TMPRSS5: variants seen among roughly 807,000 people sequenced by gnomAD.
The protein encoded by TMPRSS5 is transmembrane serine protease 5, also known as transmembrane protease serine 5.
In TMPRSS5, 45 loss-of-function variants were observed where a neutral mutation model predicts 59.7. The observed-to-expected ratio is 0.75, with a 90% CI of 0.59 to 0.97. TMPRSS5 has a LOEUF of 0.97. TMPRSS5 is among the 50% of genes least tolerant of loss of function. The probability of loss-of-function intolerance (pLI) is 0.00; values close to 1 mark genes in which losing one functional copy is unlikely to be tolerated. For missense variants in TMPRSS5, 585 were observed against 596.7 expected, an observed-to-expected ratio of 0.98 and a Z score of 0.20; for synonymous variants, 225 against 232.0, an observed-to-expected ratio of 0.97 and a Z score of 0.27.
chr11:113,703,249 A>G (rs1460027333), intron 1 of TMPRSS5, among the ~76,000 whole-genome samples: 4 of 152,262 alleles, frequency 2.6e-5, no homozygotes, highest in African/African-American at 9.6e-5. Context: ...AAAGGAGATC[A>G]TTTTGGAACT....
chr11:113,704,771 C>T (rs1293255558), intron 1 of TMPRSS5, among the ~76,000 whole-genome samples: 2 of 151,062 alleles, frequency 1.3e-5, no homozygotes, highest in Non-Finnish European at 2.9e-5. Context: ...TCATTTACTT[C>T]CTTCTCTCTC....
chr11:113,695,160 G>A (rs1024506814), intron 7 of TMPRSS5, among the ~76,000 whole-genome samples: 2 of 152,218 alleles, frequency 1.3e-5, no homozygotes, highest in African/African-American at 4.8e-5. Context: ...GGCAGGTAGT[G>A]AAGGAAGGAG....
rs745569440 is a variant in TMPRSS5 at position 113,689,864 on chromosome 11, C to G, written c.1260G>C (p.Val420=). The change falls in exon 12 of 13, where the codon GTG becomes GTC. Residue 420 remains valine, a synonymous_variant. Coordinates refer to ENST00000299882, the MANE Select transcript of TMPRSS5 (RefSeq NM_030770.4). ...VCPDGDTWRL[V]GVVSWGRGCA... ...AGCCACGCCCCCAGCTGACCACCCC[C>G]ACTAGGCGCCATGTGTCCCCATCTG... 3.2e-6 allele frequency: 5 copies of G among 1,581,464 alleles called. No individual in the cohort carries two copies. The highest frequency in any genetic ancestry group is 1.3e-5 in the African/African-American group (1 of 74,212).
chr11:113,705,519 G>A (rs1305392800), intron 1 of TMPRSS5, among the ~76,000 whole-genome samples: 4 of 151,994 alleles, frequency 2.6e-5, no homozygotes, highest in Non-Finnish European at 4.4e-5. Flanking sequence ...GCTTTTCCAG[G>A]AGAAACAGAG....
intron 11 of TMPRSS5, 66 bp from the exon 12 acceptor site, chr11:113,689,983 G>T: frequency 6.9e-7 from 1 of 1,442,582 alleles, no homozygotes; most frequent in Non-Finnish European, 9.3e-7. Flanking sequence ...GAGAGCACCA[G>T]ACCACTATGG....
At chr11:113,702,739 C>T (rs111627504) in intron 1 of TMPRSS5, among the ~76,000 whole-genome samples, 32,300 of 152,186 alleles carry the variant, frequency 0.21, 3,690 homozygotes, top group Middle Eastern at 0.34. Flanking sequence ...GCTGCATCAG[C>T]TCCAGCCATG....
At chr11:113,691,684 T>C (rs1336598961) in intron 9 of TMPRSS5, among the ~76,000 whole-genome samples, 1 of 151,728 alleles carries the variant, frequency 6.6e-6, no homozygotes, top group Non-Finnish European at 1.5e-5. Flanking sequence ...ACCTATTTTG[T>C]ATATTTAAAT....
In TMPRSS5 at chr11:113,698,948, C is replaced by G; in HGVS notation, c.285G>C (p.Glu95Asp). ...GGAGCAGAGCTTCCTCAGCGCTGGC[C>G]TCTGAGCAGCTCAAAGTTATCTCCT... is the stretch of plus-strand genomic sequence containing the variant. ...QDEEITLSCS[E>D]ASAEEALLPA... is the part of the protein sequence containing the mutation. Residue 95 changes from glutamate (E) to aspartate (D), a missense_variant, in exon 4 of 13, where the codon GAG becomes GAC. Coordinates refer to ENST00000299882, the MANE Select transcript of TMPRSS5 (RefSeq NM_030770.4). The G allele has an allele frequency of 6.3e-7, 1 of 1,599,094 alleles. No individual in the cohort carries two copies. The highest frequency in any genetic ancestry group is 1.3e-5 in the African/African-American group (1 of 74,808).
chr11:113,702,674 G>A (rs1463633057), intron 1 of TMPRSS5, among the ~76,000 whole-genome samples: 4 of 152,118 alleles, frequency 2.6e-5, no homozygotes, highest in Non-Finnish European at 4.4e-5. Context: ...GGTTTTGTGG[G>A]CCAGGCCAGG....
chr11:113,699,286 T>TCTCTCTCC (rs2134816893), intron 3 of TMPRSS5, among the ~76,000 whole-genome samples: 2 of 124,700 alleles, frequency 1.6e-5, no homozygotes, highest in South Asian at 2.8e-4. Flanking sequence ...TCTCTCTCTC[T>TCTCTCTCC]CTCTCTGTCT....
At chr11:113,705,480 G>A (rs976762715) in intron 1 of TMPRSS5, among the ~76,000 whole-genome samples, 6 of 152,172 alleles carry the variant, frequency 3.9e-5, no homozygotes, top group African/African-American at 1.2e-4. Flanking sequence ...GGACCTATAG[G>A]ACTGGACCTC....
chr11:113,699,053 G>T, intron 3 of TMPRSS5, 26 bp from the exon 4 acceptor site: 1 of 1,606,230 alleles, frequency 6.2e-7, no homozygotes, highest in Non-Finnish European at 8.5e-7. Context: ...AAGAGAAAGG[G>T]TCTGATTTCC....
intron 9 of TMPRSS5, 141 bp downstream of exon 9, chr11:113,692,930 C>T (rs752424684): frequency 6.4e-5 from 61 of 956,946 alleles, no homozygotes; most frequent in Non-Finnish European, 8.7e-5. Context: ...CCAAAATTCA[C>T]TAGTCCCAAA....
At chr11:113,701,661 A>T (rs1003452828) in intron 1 of TMPRSS5, among the ~76,000 whole-genome samples, 8 of 152,160 alleles carry the variant, frequency 5.3e-5, no homozygotes, top group African/African-American at 1.2e-4. Flanking sequence ...GCCTTTTTGC[A>T]GTTAACTCCT....
In TMPRSS5 at chr11:113,700,147, G is replaced by T. The variant is rs1232619022; in HGVS notation, c.25C>A (p.Pro9Thr). The change falls in exon 2 of 13, where the codon CCC (proline) becomes ACC (threonine). Residue 9 changes from proline (P) to threonine (T), a missense_variant. Transcript: ENST00000299882. Reference sequence around the variant, plus strand: ...TCTGCATACTGGGCCTCCATAGGGGGTTGGTCATCCAGCATCAGGCTCTGG... The same window carrying T: ...TCTGCATACTGGGCCTCCATAGGGGTTTGGTCATCCAGCATCAGGCTCTGG... MSLMLDDQ[P>T]PMEAQYAEEG... The T allele has an allele frequency of 1.3e-6, 2 of 1,576,956 alleles. No homozygotes were observed. Among genetic ancestry groups the T allele is most frequent in the Non-Finnish European group, 8.6e-7 (1 of 1,159,782 alleles).
intron 4 of TMPRSS5, among the ~76,000 whole-genome samples, chr11:113,698,490 AC>A (rs1952990239): frequency 1.3e-5 from 2 of 152,016 alleles, no homozygotes; most frequent in Admixed American, 1.3e-4. Context: ...CCCAACTCTT[AC>A]CTGGAGGGGA....
chr11:113,697,976 G>T (rs996529210), intron 4 of TMPRSS5, among the ~76,000 whole-genome samples: 1 of 152,170 alleles, frequency 6.6e-6, no homozygotes, highest in African/African-American at 2.4e-5. Flanking sequence ...AGGTGATTAA[G>T]GTTAAATGAG....
Position 113,689,934 on chromosome 11 carries a change from T to C in TMPRSS5, c.1207-17A>G, listed in dbSNP as rs769589597. 4.6e-6 allele frequency: 7 copies of C among 1,528,576 alleles called. No individual in the cohort carries two copies. In the East Asian group the frequency reaches 1.7e-4, roughly 37 times the overall value. 94.7% of individuals were successfully genotyped at this position (1,528,576 alleles called of 1,614,324 possible). A position where few individuals can be genotyped will look rare whatever the true frequency, so the allele number is the denominator to read the frequency against. The stretch of plus-strand genomic sequence containing the variant: ...GCTATCTCCCTAAGGGATCCAGGCA[T>C]GGAGACACAGAGAAACAGCCAGTTA... On this transcript the variant is annotated splice_polypyrimidine_tract_variant and intron_variant, in intron 11 of 12. Coordinates refer to ENST00000299882, the MANE Select transcript of TMPRSS5 (RefSeq NM_030770.4).
intron 1 of TMPRSS5, among the ~76,000 whole-genome samples, chr11:113,704,881 G>T (rs7121672): frequency 3.2e-5 from 4 of 126,136 alleles, no homozygotes; most frequent in African/African-American, 8.7e-5. Context: ...AAGAAGGGAG[G>T]GGGGAGGGAG....
Sources: allele counts gnomAD v4.1 joint callset (sites outside exome capture counted in the v4.1 genomes callset), GRCh38; gene constraint gnomAD v4.1.1; transcripts MANE v1.5; gene names NCBI Gene and HGNC (gene_info 2026-07-23, HGNC 2026-07-21).